AATF: variants seen among roughly 807,000 people sequenced by gnomAD.
The protein encoded by AATF is protein AATF.
AATF carries 48 observed loss-of-function variants against 63.7 expected under a neutral mutation model. The ratio of observed to expected loss-of-function variants is 0.75; its 90% CI spans 0.60 to 0.96. The LOEUF (loss-of-function observed/expected upper bound fraction) is 0.96. AATF is among the 40% of genes least tolerant of loss of function. The pLI is 0.00. For synonymous variants in AATF, 258 were observed against 247.7 expected (o/e 1.04, Z -0.39); for missense variants, 639 against 685.7 (o/e 0.93, Z 0.76).
chr17:37,036,419 A>G (rs1397233370), intron 11 of AATF, among the ~76,000 whole-genome samples: 1 of 152,094 alleles, frequency 6.6e-6, no homozygotes, highest in Admixed American at 6.6e-5. Flanking sequence ...GATCTTTAAC[A>G]CAGGATATTA....
chr17:37,027,018 G>A (rs1278184107), intron 10 of AATF, among the ~76,000 whole-genome samples: 1 of 152,090 alleles, frequency 6.6e-6, no homozygotes, highest in Non-Finnish European at 1.5e-5. Context: ...TTCCAGAAAT[G>A]TTGTAGCAAA....
chr17:37,043,919 C>T (rs2071666229), intron 11 of AATF, among the ~76,000 whole-genome samples: 1 of 151,984 alleles, frequency 6.6e-6, no homozygotes, highest in Admixed American at 6.6e-5. Context: ...AAATGTAACC[C>T]CTAACAGATA....
chr17:36,963,740 C>T (rs2070967623), intron 4 of AATF, among the ~76,000 whole-genome samples: 1 of 152,146 alleles, frequency 6.6e-6, no homozygotes, highest in African/African-American at 2.4e-5. Flanking sequence ...TATTTATTCT[C>T]TGATATGAAA....
intron 4 of AATF, among the ~76,000 whole-genome samples, chr17:36,959,583 T>C (rs1046883371): frequency 6.6e-6 from 1 of 152,252 alleles, no homozygotes; most frequent in Non-Finnish European, 1.5e-5. Context: ...GGTACTCTAC[T>C]GTCTTTTTCA....
At chr17:36,979,298 G>T (rs149527844) in intron 4 of AATF, among the ~76,000 whole-genome samples, 1 of 152,250 alleles carries the variant, frequency 6.6e-6, no homozygotes, top group East Asian at 1.9e-4. Context: ...GATTGTGGGA[G>T]AATTAAAGGC....
rs549523579 is a variant in AATF at position 37,021,269 on chromosome 17, TAAG to T, written c.1547+258_1547+260del. 1.9e-5 allele frequency: 7 copies of T among 375,302 alleles called. No individual in the cohort carries two copies. The East Asian group carries it at 2.9e-4, about 16-fold the overall frequency. 23.2% of individuals were successfully genotyped at this position (375,302 alleles called of 1,614,324 possible). Reference sequence around the variant, plus strand: ...ATGCATTCCCTTGAAAGAGAAAAAATAAGAAAACAAAAGTAAAATAGTTGAAAT... The same window carrying T: ...ATGCATTCCCTTGAAAGAGAAAAAATAAAACAAAAGTAAAATAGTTGAAAT... On this transcript the variant is annotated intron_variant, in intron 10 of 11. Coordinates refer to ENST00000619387, the MANE Select transcript of AATF (RefSeq NM_012138.4).
intron 10 of AATF, among the ~76,000 whole-genome samples, chr17:37,021,448 G>A (rs990419454): frequency 1.3e-5 from 2 of 152,060 alleles, no homozygotes; most frequent in African/African-American, 4.8e-5. Flanking sequence ...GGCCAACGTG[G>A]TGAAACCCCA....
intron 4 of AATF, among the ~76,000 whole-genome samples, chr17:36,970,616 C>T (rs1316985730): frequency 1.3e-5 from 2 of 150,804 alleles, no homozygotes; most frequent in Non-Finnish European, 2.9e-5. Flanking sequence ...TCATGGCTCA[C>T]TGCAGCACTG....
intron 9 of AATF, among the ~76,000 whole-genome samples, chr17:37,019,779 G>A (rs1450616737): frequency 6.6e-6 from 1 of 152,194 alleles, no homozygotes; most frequent in African/African-American, 2.4e-5. Context: ...TTGTGTTGAT[G>A]AAATAATTTT....
intron 8 of AATF, among the ~76,000 whole-genome samples, chr17:37,002,021 G>A (rs969314739): frequency 6.6e-6 from 1 of 151,860 alleles, no homozygotes; most frequent in Non-Finnish European, 1.5e-5. Flanking sequence ...GGCCAACATG[G>A]TGAAACCCCG....
At chr17:37,019,436 G>A (rs2142287098) in intron 9 of AATF, among the ~76,000 whole-genome samples, 2 of 152,270 alleles carry the variant, frequency 1.3e-5, no homozygotes, top group South Asian at 4.1e-4. Context: ...GCGCACAACA[G>A]GTTCTTTGCT....
chr17:36,991,587 C>CTTT (rs34166182), intron 8 of AATF, among the ~76,000 whole-genome samples: 3 of 138,606 alleles, frequency 2.2e-5, no homozygotes, highest in African/African-American at 5.4e-5. Flanking sequence ...ATAAGTTATA[C>CTTT]TTTTTTTTTT....
chr17:37,056,762 A>C lies in AATF; in HGVS notation c.*98A>C. ...ACTTTATGGGGCTGAGCTAGTAGGG[A>C]AGCCCCTGGAAAGATGCTGCGTTCC... On this transcript the variant is annotated 3_prime_UTR_variant, in exon 12 of 12. Transcript: ENST00000619387. 2 of 1,314,666 alleles carry C rather than the reference A, an allele frequency of 1.5e-6. No homozygotes were observed. The highest frequency in any genetic ancestry group is 2.2e-6 in the Non-Finnish European group (2 of 929,520). 81.4% of individuals were successfully genotyped at this position (1,314,666 alleles called of 1,614,324 possible). A position where few individuals can be genotyped will look rare whatever the true frequency, so the allele number is the denominator to read the frequency against.
chr17:36,989,319 C>T lies in AATF; in HGVS notation c.1222C>T (p.Arg408Ter), dbSNP rs374671217. Residue 408 changes from arginine to a stop codon, truncating the protein, a stop_gained, in exon 7 of 12, where the codon CGA becomes TGA. Transcript: ENST00000619387. LOFTEE classifies it high-confidence loss of function. ...HILMDKERLL[R>*]RTQTKRSVYR... ...TCTGATGGACAAAGAGAGATTACTT[C>T]GAAGGACACAGACCAAGCGCTCTGT... 141 of 1,613,916 alleles carry T rather than the reference C, an allele frequency of 8.7e-5. No homozygotes were observed. The highest frequency in any genetic ancestry group is 1.1e-4 in the Non-Finnish European group (135 of 1,180,022).
intron 4 of AATF, among the ~76,000 whole-genome samples, chr17:36,968,983 TTTG>T (rs1033097411): frequency 5.2e-4 from 79 of 152,240 alleles, no homozygotes; most frequent in Non-Finnish European, 9.0e-4. Flanking sequence ...AGCTGCTTTT[TTTG>T]TTGTTGTTTT....
intron 8 of AATF, among the ~76,000 whole-genome samples, chr17:37,006,168 T>G (rs1277177224): frequency 6.6e-6 from 1 of 151,852 alleles, no homozygotes; most frequent in Non-Finnish European, 1.5e-5. Context: ...TTTCCTTAAA[T>G]TTAAAAAAGA....
At chr17:37,036,936 G>C (rs1007327444) in intron 11 of AATF, among the ~76,000 whole-genome samples, 2 of 151,888 alleles carry the variant, frequency 1.3e-5, no homozygotes, top group Non-Finnish European at 2.9e-5. Context: ...GCCTAAAAAT[G>C]ATCCCTGGCT....
At chr17:37,018,572 G>A (rs1039359425) in intron 8 of AATF, among the ~76,000 whole-genome samples, 32 of 152,200 alleles carry the variant, frequency 2.1e-4, no homozygotes, top group African/African-American at 6.8e-4. Context: ...ACTGTTGGAG[G>A]TTATAGTTCA....
chr17:36,983,044 A>T (rs1006164570), intron 4 of AATF, among the ~76,000 whole-genome samples: 4 of 151,592 alleles, frequency 2.6e-5, no homozygotes, highest in East Asian at 1.9e-4. Flanking sequence ...TTTAATTTTT[A>T]AAAATTTTAT....
Sources: gnomAD v4.1 joint callset for allele counts (sites outside exome capture counted in the v4.1 genomes callset) on GRCh38, gnomAD v4.1.1 for gene constraint, MANE v1.5 for transcripts, NCBI Gene and HGNC (gene_info 2026-07-23, HGNC 2026-07-21) for gene names.